CTTNBP2NL: variants seen among roughly 807,000 people sequenced by gnomAD.
The protein encoded by CTTNBP2NL is CTTNBP2 N-terminal like, also known as CTTNBP2 N-terminal-like protein.
In CTTNBP2NL, 16 loss-of-function variants were observed where a neutral mutation model predicts 32.5. That is an observed-to-expected ratio of 0.49 (90% CI 0.33 to 0.75). The LOEUF (loss-of-function observed/expected upper bound fraction) is 0.75, where lower values mean the gene tolerates loss of function less well. Among genes scored for constraint, CTTNBP2NL ranks in the 30% least tolerant of loss-of-function variants. CTTNBP2NL has a pLI of 0.02. For missense variants in CTTNBP2NL, 645 were observed against 756.0 expected, an observed-to-expected ratio of 0.85 and a Z score of 1.72; for synonymous variants, 298 against 289.4, an observed-to-expected ratio of 1.03 and a Z score of -0.30.
At chr1:112,434,958 C>T (rs1649685894) in intron 3 of CTTNBP2NL, among the ~76,000 whole-genome samples, 1 of 151,952 alleles carries the variant, frequency 6.6e-6, no homozygotes. Flanking sequence ...GCTTGGCCAA[C>T]ATGGCAAAAC....
At chr1:112,423,302 C>T (rs1177847147) in intron 3 of CTTNBP2NL, among the ~76,000 whole-genome samples, 2 of 151,932 alleles carry the variant, frequency 1.3e-5, no homozygotes, top group Admixed American at 6.6e-5. Flanking sequence ...AGATACTTAA[C>T]TGTTATAGTT....
intron 1 of CTTNBP2NL, among the ~76,000 whole-genome samples, chr1:112,397,408 T>A (rs1648362130): frequency 6.6e-6 from 1 of 152,218 alleles, no homozygotes; most frequent in African/African-American, 2.4e-5. Context: ...GGTAACTCTC[T>A]AACCCCTTTT....
chr1:112,431,942 A>C (rs1242137524), intron 3 of CTTNBP2NL, among the ~76,000 whole-genome samples: 1 of 152,144 alleles, frequency 6.6e-6, no homozygotes, highest in African/African-American at 2.4e-5. Flanking sequence ...TCTACAAAAA[A>C]TAAAAAACTT....
chr1:112,421,956 GT>G (rs978782623), intron 3 of CTTNBP2NL, among the ~76,000 whole-genome samples: 1 of 151,896 alleles, frequency 6.6e-6, no homozygotes, highest in East Asian at 1.9e-4. Flanking sequence ...AGCTTATTTT[GT>G]TTTTTTAAAA....
chr1:112,424,180 A>G (rs1288319962), intron 3 of CTTNBP2NL, among the ~76,000 whole-genome samples: 1 of 152,140 alleles, frequency 6.6e-6, no homozygotes, highest in Non-Finnish European at 1.5e-5. Flanking sequence ...ACTTAAGTCT[A>G]TGATATATCT....
At chr1:112,435,328 TA>T (rs1649700318) in intron 3 of CTTNBP2NL, among the ~76,000 whole-genome samples, 2 of 152,094 alleles carry the variant, frequency 1.3e-5, no homozygotes, top group Admixed American at 6.6e-5. Context: ...TTATTATTAT[TA>T]TTTTTTTCAC....
intron 1 of CTTNBP2NL, among the ~76,000 whole-genome samples, chr1:112,410,923 A>G (rs989944162): frequency 6.6e-6 from 1 of 152,242 alleles, no homozygotes; most frequent in East Asian, 1.9e-4. Context: ...CTTACTTAGA[A>G]AATAAGTAGG....
At chr1:112,447,190 C>G (rs1025051912) in intron 3 of CTTNBP2NL, among the ~76,000 whole-genome samples, 3 of 144,866 alleles carry the variant, frequency 2.1e-5, no homozygotes, top group Non-Finnish European at 4.5e-5. Context: ...AGGAGAATGG[C>G]GTGAACCCAA....
At position 112,457,528 on chromosome 1, in the gene CTTNBP2NL, A is replaced by G; in HGVS notation, c.*116A>G. On this transcript the variant is annotated 3_prime_UTR_variant, in exon 6 of 6. Coordinates refer to ENST00000271277, the MANE Select transcript of CTTNBP2NL (RefSeq NM_018704.3). The stretch of plus-strand genomic sequence containing the variant: ...TGATAGTAGCTGAAACCATCTGTAT[A>G]ATACATTTAGTATATTTCACCATTT... 3.3e-6 allele frequency: 3 copies of G among 905,604 alleles called. No homozygotes were observed. The highest frequency in any genetic ancestry group is 5.0e-6 in the Non-Finnish European group (3 of 595,882). The allele number at this position is 905,604 out of a possible 1,614,324, so 56.1% of individuals were successfully genotyped here. A position where few individuals can be genotyped will look rare whatever the true frequency, so the allele number is the denominator to read the frequency against.
chr1:112,424,735 T>C (rs1649339385), intron 3 of CTTNBP2NL, among the ~76,000 whole-genome samples: 1 of 152,112 alleles, frequency 6.6e-6, no homozygotes, highest in African/African-American at 2.4e-5. Context: ...TTTTTCACAT[T>C]TTTTTTGTCA....
intron 3 of CTTNBP2NL, among the ~76,000 whole-genome samples, chr1:112,422,642 T>A (rs936157383): frequency 6.6e-6 from 1 of 152,224 alleles, no homozygotes; most frequent in African/African-American, 2.4e-5. Flanking sequence ...CCAAACTTGG[T>A]ATAGCCAATC....
chr1:112,399,052 G>C (rs1648417224), intron 1 of CTTNBP2NL, among the ~76,000 whole-genome samples: 1 of 151,966 alleles, frequency 6.6e-6, no homozygotes. Context: ...AGGCTTGGTG[G>C]CTCACATCTG....
At chr1:112,394,972 A>G (rs772560826), upstream of CTTNBP2NL, among the ~76,000 whole-genome samples, 4 of 152,224 alleles carry the variant, frequency 2.6e-5, no homozygotes, top group Non-Finnish European at 5.9e-5. Flanking sequence ...ATGAAAGTAC[A>G]TGGCACAGTG....
At chr1:112,432,108 C>T (rs1161979617) in intron 3 of CTTNBP2NL, among the ~76,000 whole-genome samples, 1 of 116,656 alleles carries the variant, frequency 8.6e-6, no homozygotes, top group Non-Finnish European at 1.6e-5. Context: ...GAGTCTCACT[C>T]TTTCACCCAG....
At chr1:112,440,694 C>T (rs910594741) in intron 3 of CTTNBP2NL, among the ~76,000 whole-genome samples, 2 of 152,200 alleles carry the variant, frequency 1.3e-5, no homozygotes, top group African/African-American at 4.8e-5. Flanking sequence ...AATCAGCTAA[C>T]ATAGTCAGCA....
At chr1:112,395,059 A>G (rs1234233592), upstream of CTTNBP2NL, among the ~76,000 whole-genome samples, 1 of 152,218 alleles carries the variant, frequency 6.6e-6, no homozygotes, top group Non-Finnish European at 1.5e-5. Flanking sequence ...TCAGACTGTA[A>G]ACTGCATGAG....
rs942726467 is a variant in CTTNBP2NL, at chr1:112,460,859, A to T, written c.*3447A>T. ...ACTAGCATATCCGGTTTCCCTTAAT[A>T]GCCTGTCAGCAGTGCTGCCTTGTCA... is the stretch of plus-strand genomic sequence containing the variant. On this transcript the variant is annotated 3_prime_UTR_variant, in exon 6 of 6. Transcript: ENST00000271277. The T allele has an allele frequency of 6.6e-6, 1 of 152,122 alleles. No homozygotes were observed. The highest frequency in any genetic ancestry group is 1.9e-4 in the East Asian group (1 of 5,200). The allele number at this position is 152,122 out of a possible 1,614,324, so 9.4% of individuals were successfully genotyped here. A position where few individuals can be genotyped will look rare whatever the true frequency, so the allele number is the denominator to read the frequency against.
At chr1:112,444,494 T>A (rs150783405) in intron 3 of CTTNBP2NL, among the ~76,000 whole-genome samples, 144 of 152,326 alleles carry the variant, frequency 9.5e-4, no homozygotes, top group African/African-American at 3.2e-3. Flanking sequence ...AATAGATGAC[T>A]AGTGTGCTCT....
intron 4 of CTTNBP2NL, among the ~76,000 whole-genome samples, chr1:112,453,137 GGAGGGA>G (rs747327897): frequency 7.2e-5 from 11 of 151,778 alleles, no homozygotes; most frequent in South Asian, 2.1e-4. Flanking sequence ...AGGGGGTGGG[GGAGGGA>G]GAGGGAGAGG....
Sources: gnomAD v4.1 joint callset for allele counts (sites outside exome capture counted in the v4.1 genomes callset) on GRCh38, gnomAD v4.1.1 for gene constraint, MANE v1.5 for transcripts, NCBI Gene and HGNC (gene_info 2026-07-23, HGNC 2026-07-21) for gene names.